Variants in PDE11A observed in about 807,000 individuals in gnomAD.
PDE11A encodes the protein dual 3',5'-cyclic-AMP and -GMP phosphodiesterase 11A.
Under a neutral mutation model 100.5 loss-of-function variants are expected in PDE11A, and 100 were observed. That is an observed-to-expected ratio of 1.00 (90% CI 0.85 to 1.18). The LOEUF is 1.18. Among genes scored for constraint, PDE11A ranks in the 50% most tolerant of loss-of-function variants. The pLI, the probability that PDE11A is intolerant of heterozygous loss-of-function variation, is 0.00. For synonymous variants in PDE11A, 381 were observed against 420.8 expected (o/e 0.91, Z 1.16); for missense variants, 1,141 against 1,152.6 (o/e 0.99, Z 0.15).
chr2:177,871,013 T>C (rs2084121899), intron 5 of PDE11A, among the ~76,000 whole-genome samples: 1 of 152,080 alleles, frequency 6.6e-6, no homozygotes, highest in African/African-American at 2.4e-5. Flanking sequence ...ACTGGTTCAC[T>C]AAAGGACAGG....
chr2:177,954,499 C>G (rs953463836), intron 2 of PDE11A, among the ~76,000 whole-genome samples: 1 of 152,062 alleles, frequency 6.6e-6, no homozygotes, highest in African/African-American at 2.4e-5. Flanking sequence ...GAAGTCAGTT[C>G]CAGATTTGGA....
chr2:177,818,332 A>G (rs6737549), intron 7 of PDE11A, among the ~76,000 whole-genome samples: 1 of 149,668 alleles, frequency 6.7e-6, no homozygotes, highest in African/African-American at 2.5e-5. Context: ...TATATATCAT[A>G]CTCTGAAGCA....
chr2:177,846,105 A>T (rs892408597), intron 5 of PDE11A, among the ~76,000 whole-genome samples: 2 of 152,130 alleles, frequency 1.3e-5, no homozygotes, highest in African/African-American at 2.4e-5. Flanking sequence ...ATAATGCAGA[A>T]TCGTAACACT....
intron 1 of PDE11A, among the ~76,000 whole-genome samples, chr2:178,041,390 T>C (rs2086680844): frequency 6.6e-6 from 1 of 151,760 alleles, no homozygotes; most frequent in Non-Finnish European, 1.5e-5. Context: ...ACTACAGGCA[T>C]GCACCACCAC....
At chr2:177,792,760 C>A (rs1206880668) in intron 9 of PDE11A, among the ~76,000 whole-genome samples, 1 of 152,140 alleles carries the variant, frequency 6.6e-6, no homozygotes, top group Non-Finnish European at 1.5e-5. Flanking sequence ...TTTGAGTAAA[C>A]CAGGGAATCA....
chr2:177,643,092 T>C (rs1433815139), intron 19 of PDE11A, among the ~76,000 whole-genome samples: 1 of 152,220 alleles, frequency 6.6e-6, no homozygotes, highest in Non-Finnish European at 1.5e-5. Flanking sequence ...GGTATGTCTT[T>C]ATCAGCAGTG....
At chr2:177,868,403 CGATTGTAA>C (rs1558982327) in intron 5 of PDE11A, among the ~76,000 whole-genome samples, 3 of 151,856 alleles carry the variant, frequency 2.0e-5, no homozygotes, top group African/African-American at 7.3e-5. Context: ...ATGAGAGCAT[CGATTGTAA>C]GATGGACTGT....
intron 1 of PDE11A, among the ~76,000 whole-genome samples, chr2:178,065,345 G>C (rs2105868522): frequency 6.6e-6 from 1 of 152,210 alleles, no homozygotes; most frequent in East Asian, 1.9e-4. Flanking sequence ...ATTAAGCCAG[G>C]CTTGTCAATA....
At chr2:177,945,014 G>T (rs2085390806) in intron 2 of PDE11A, among the ~76,000 whole-genome samples, 4 of 149,166 alleles carry the variant, frequency 2.7e-5, no homozygotes, top group Admixed American at 1.3e-4. Flanking sequence ...TGGAGACGGG[G>T]TTTCGCTGTG....
At chr2:177,845,355 G>T (rs1168430657) in intron 5 of PDE11A, among the ~76,000 whole-genome samples, 1 of 150,382 alleles carries the variant, frequency 6.6e-6, no homozygotes, top group Non-Finnish European at 1.5e-5. Context: ...CCCAGATGGG[G>T]TCTCGGCCGG....
rs114856261 is a variant in PDE11A at position 177,925,662 on chromosome 2, G to T, written c.1072-20475C>A. ...GCACAATCACTTACCAAAGGAAAAC[G>T]TGGGGCAGATCTTCCCATACACACA... On this transcript the variant is annotated intron_variant, in intron 2 of 19. Coordinates refer to ENST00000286063, the MANE Select transcript of PDE11A (RefSeq NM_016953.4). 4.2e-3 allele frequency among the ~76,000 whole-genome samples: 637 copies of T among 152,306 alleles called. 9 individuals carry two copies. Among genetic ancestry groups the T allele is most frequent in the African/African-American group, 0.015 (609 of 41,574 alleles).
chr2:177,802,612 A>G (rs2082810188), intron 9 of PDE11A, among the ~76,000 whole-genome samples: 1 of 152,088 alleles, frequency 6.6e-6, no homozygotes, highest in Non-Finnish European at 1.5e-5. Context: ...TACATATTGT[A>G]TAACTGAATT....
At chr2:177,982,676 T>C (rs1320577441) in intron 2 of PDE11A, among the ~76,000 whole-genome samples, 10 of 150,950 alleles carry the variant, frequency 6.6e-5, no homozygotes, top group African/African-American at 2.4e-4. Context: ...TTTAACAAGA[T>C]GATATTTAAG....
intron 12 of PDE11A, among the ~76,000 whole-genome samples, chr2:177,714,465 T>C (rs1044137318): frequency 6.6e-6 from 1 of 152,196 alleles, no homozygotes; most frequent in Non-Finnish European, 1.5e-5. Context: ...TCCCCAGTTA[T>C]AGATGAGAAA....
At position 177,711,752 on chromosome 2, in the gene PDE11A, C is replaced by G. The variant is rs767050443; in HGVS notation, c.2153+17G>C. ...AAAGGCAAATGCATTAAAATAACAA[C>G]AGTTTAGAACACTTACTTAGCTTGG... On this transcript the variant is annotated intron_variant, in intron 13 of 19. Transcript: ENST00000286063. 1 of 1,298,314 alleles carries G rather than the reference C, an allele frequency of 7.7e-7. No individual in the cohort carries two copies. Among genetic ancestry groups the G allele is most frequent in the South Asian group, 1.2e-5 (1 of 84,528 alleles). 80.4% of individuals were successfully genotyped at this position (1,298,314 alleles called of 1,614,324 possible). A position where few individuals can be genotyped will look rare whatever the true frequency, so the allele number is the denominator to read the frequency against.
intron 12 of PDE11A, among the ~76,000 whole-genome samples, chr2:177,713,987 C>CTTTTTTTTTTTTTTTTTTTTTTTTT (rs57211363): frequency 7.8e-5 from 6 of 77,404 alleles, no homozygotes; most frequent in African/African-American, 1.1e-4. Context: ...TTTCTTTTTT[C>CTTTTTTTTTTTTTTTTTTTTTTTTT]TTTTTTTTTT....
At chr2:177,960,029 A>G (rs1173871907) in intron 2 of PDE11A, among the ~76,000 whole-genome samples, 1 of 152,134 alleles carries the variant, frequency 6.6e-6, no homozygotes. Flanking sequence ...CTGATACATA[A>G]CTAAAGGTTT....
chr2:177,907,588 T>G (rs1381977960), intron 2 of PDE11A, among the ~76,000 whole-genome samples: 1 of 152,242 alleles, frequency 6.6e-6, no homozygotes, highest in Non-Finnish European at 1.5e-5. Context: ...GGGAGATAAT[T>G]CTCTATGGAT....
chr2:177,835,004 C>A (rs767107561), intron 6 of PDE11A, among the ~76,000 whole-genome samples: 2 of 152,060 alleles, frequency 1.3e-5, no homozygotes, highest in Admixed American at 6.5e-5. Flanking sequence ...TGGCTGCAGT[C>A]TGTCAAGGTC....
Sources: gnomAD v4.1 joint callset for allele counts (sites outside exome capture counted in the v4.1 genomes callset) on GRCh38, gnomAD v4.1.1 for gene constraint, MANE v1.5 for transcripts, NCBI Gene and HGNC (gene_info 2026-07-23, HGNC 2026-07-21) for gene names.